MARCHF1: variants seen among roughly 807,000 people sequenced by gnomAD.
MARCHF1 encodes membrane associated ring-CH-type finger 1.
A neutral mutation model predicts 54.2 loss-of-function variants in MARCHF1; 40 were observed. That is an observed-to-expected ratio of 0.74 (90% CI 0.57 to 0.96). The LOEUF is 0.96. Ranked by LOEUF, MARCHF1 falls within the 40% of genes least tolerant of loss-of-function variation. The pLI, the probability that MARCHF1 is intolerant of heterozygous loss-of-function variation, is 0.00. For synonymous variants in MARCHF1, 236 were observed against 236.3 expected (o/e 1.00, Z 0.01); for missense variants, 586 against 656.5 (o/e 0.89, Z 1.17).
chr4:164,276,447 C>T (rs1331131062), intron 1 of MARCHF1, among the ~76,000 whole-genome samples: 2 of 152,032 alleles, frequency 1.3e-5, no homozygotes, highest in Admixed American at 6.6e-5. Flanking sequence ...TATTTGTGCA[C>T]ATTTCTTAGA....
chr4:163,771,282 C>T (rs988720267), intron 4 of MARCHF1, among the ~76,000 whole-genome samples: 1 of 152,146 alleles, frequency 6.6e-6, no homozygotes, highest in African/African-American at 2.4e-5. Context: ...CAGCTTTCCA[C>T]CACAAAAAGT....
chr4:164,231,038 T>A (rs540364870), intron 1 of MARCHF1, among the ~76,000 whole-genome samples: 2 of 152,106 alleles, frequency 1.3e-5, no homozygotes, highest in African/African-American at 4.8e-5. Flanking sequence ...CAGGATCCTC[T>A]CTTATTAAAT....
chr4:163,718,402 C>A (rs889201388), intron 4 of MARCHF1, among the ~76,000 whole-genome samples: 12 of 151,994 alleles, frequency 7.9e-5, no homozygotes, highest in Admixed American at 2.0e-4. Context: ...GCAATCTACG[C>A]ATCTGACAAA....
At chr4:163,743,308 C>T (rs963472648) in intron 4 of MARCHF1, among the ~76,000 whole-genome samples, 3 of 152,176 alleles carry the variant, frequency 2.0e-5, no homozygotes, top group Non-Finnish European at 2.9e-5. Context: ...TCCCAGCTCT[C>T]ATATACTCAT....
chr4:164,272,285 AACTT>A (rs1337156668), intron 1 of MARCHF1, among the ~76,000 whole-genome samples: 1 of 152,042 alleles, frequency 6.6e-6, no homozygotes, highest in Non-Finnish European at 1.5e-5. Context: ...ACTCAAGAGA[AACTT>A]ACAGGAGTGG....
chr4:163,977,620 A>G (rs1752675187), intron 3 of MARCHF1, among the ~76,000 whole-genome samples: 1 of 152,198 alleles, frequency 6.6e-6, no homozygotes, highest in Non-Finnish European at 1.5e-5. Context: ...AGAACAATTC[A>G]TGTAGAAATG....
chr4:164,286,470 C>G (rs1734150089), intron 1 of MARCHF1, among the ~76,000 whole-genome samples: 2 of 151,802 alleles, frequency 1.3e-5, no homozygotes, highest in African/African-American at 4.8e-5. Flanking sequence ...ATCATTCATT[C>G]TAATTATTTT....
chr4:164,276,601 T>C (rs1188652819), intron 1 of MARCHF1, among the ~76,000 whole-genome samples: 1 of 151,100 alleles, frequency 6.6e-6, no homozygotes, highest in Non-Finnish European at 1.5e-5. Flanking sequence ...TTTAAATTAG[T>C]GGAAATTACC....
chr4:164,277,948 A>T (rs769144136), intron 1 of MARCHF1, among the ~76,000 whole-genome samples: 13 of 152,182 alleles, frequency 8.5e-5, no homozygotes, highest in Non-Finnish European at 1.8e-4. Context: ...TGGTCCATTC[A>T]TGTTTGCTCC....
At chr4:164,172,214 G>A (rs1416533579) in intron 1 of MARCHF1, among the ~76,000 whole-genome samples, 1 of 152,150 alleles carries the variant, frequency 6.6e-6, no homozygotes, top group Non-Finnish European at 1.5e-5. Context: ...GAAGATGAGT[G>A]AATGTGTTTA....
At chr4:164,041,489 C>T (rs543182913) in intron 2 of MARCHF1, among the ~76,000 whole-genome samples, 1 of 152,070 alleles carries the variant, frequency 6.6e-6, no homozygotes, top group Non-Finnish European at 1.5e-5. Context: ...TAGTGATGTG[C>T]CCTGAGCAAT....
chr4:163,611,159 C>T lies in MARCHF1; in HGVS notation c.1010+1112G>A, dbSNP rs897436262. On this transcript the variant is annotated intron_variant, in intron 7 of 9. Coordinates refer to ENST00000514618, the MANE Select transcript of MARCHF1 (RefSeq NM_001394959.1). Reference sequence around the variant, plus strand: ...ATTATAAGCTGTAAGATGTTAGAAACTATACAAATCTTACTCACTATATTA... The same window carrying T: ...ATTATAAGCTGTAAGATGTTAGAAATTATACAAATCTTACTCACTATATTA... 2.6e-5 allele frequency among the ~76,000 whole-genome samples: 4 copies of T among 151,992 alleles called. No individual in the cohort carries two copies. The East Asian group carries it at 7.7e-4, about 29-fold the overall frequency.
intron 3 of MARCHF1, among the ~76,000 whole-genome samples, chr4:163,892,993 C>T (rs1474805386): frequency 6.6e-6 from 1 of 151,844 alleles, no homozygotes. Context: ...TATAGCAAAA[C>T]GACCCTGAAC....
chr4:164,031,664 C>A (rs1019274598), intron 2 of MARCHF1, among the ~76,000 whole-genome samples: 1 of 152,144 alleles, frequency 6.6e-6, no homozygotes, highest in Non-Finnish European at 1.5e-5. Flanking sequence ...ACCAGCCTTG[C>A]ATCCCAGAGA....
intron 1 of MARCHF1, among the ~76,000 whole-genome samples, chr4:164,336,382 T>C (rs774205185): frequency 6.6e-6 from 1 of 152,228 alleles, no homozygotes; most frequent in Non-Finnish European, 1.5e-5. Flanking sequence ...GGATATGTAA[T>C]ATCCATTGAA....
chr4:164,000,076 T>G (rs1462093881), intron 2 of MARCHF1, among the ~76,000 whole-genome samples: 4 of 151,710 alleles, frequency 2.6e-5, no homozygotes, highest in African/African-American at 9.7e-5. Context: ...AAGCAGGCAA[T>G]GCATGTGGTA....
At chr4:164,046,254 A>G (rs1258775795) in intron 2 of MARCHF1, among the ~76,000 whole-genome samples, 1 of 152,218 alleles carries the variant, frequency 6.6e-6, no homozygotes, top group Non-Finnish European at 1.5e-5. Context: ...CTTTTGTCCA[A>G]GAGGGAGACA....
At chr4:164,342,546 T>C (rs1434972160) in intron 1 of MARCHF1, among the ~76,000 whole-genome samples, 3 of 151,138 alleles carry the variant, frequency 2.0e-5, no homozygotes, top group Non-Finnish European at 3.0e-5. Context: ...TAAAAAAATA[T>C]TTAATAGGTT....
intron 2 of MARCHF1, among the ~76,000 whole-genome samples, chr4:164,003,461 C>G (rs1184363666): frequency 6.6e-6 from 1 of 151,890 alleles, no homozygotes; most frequent in Non-Finnish European, 1.5e-5. Flanking sequence ...AATGTAAGTA[C>G]ACATAAGTAA....
Sources: gnomAD v4.1 joint callset for allele counts (sites outside exome capture counted in the v4.1 genomes callset) on GRCh38, gnomAD v4.1.1 for gene constraint, MANE v1.5 for transcripts, NCBI Gene and HGNC (gene_info 2026-07-23, HGNC 2026-07-21) for gene names.